DAG1: variants seen among roughly 807,000 people sequenced by gnomAD.
DAG1 encodes dystroglycan 1, also known as dystroglycan 1 (dystrophin-associated glycoprotein 1).
A neutral mutation model predicts 46.1 loss-of-function variants in DAG1; 8 were observed. That is an observed-to-expected ratio of 0.17 (90% confidence interval 0.10 to 0.31). The LOEUF is 0.31. Among genes scored for constraint, DAG1 ranks in the 10% least tolerant of loss-of-function variants. The probability of loss-of-function intolerance (pLI) is 1.00; values close to 1 mark genes in which losing one functional copy is unlikely to be tolerated. For missense variants in DAG1, 1,003 were observed against 1,189.9 expected, an observed-to-expected ratio of 0.84 and a Z score of 2.31; for synonymous variants, 495 against 481.8, an observed-to-expected ratio of 1.03 and a Z score of -0.36.
rs2051433448 is a variant in DAG1 at position 49,533,639 on chromosome 3, C to G, written c.*440C>G. 2 of 318,654 alleles carry G rather than the reference C, an allele frequency of 6.3e-6. No individual in the cohort carries two copies. The highest frequency in any genetic ancestry group is 1.2e-5 in the Non-Finnish European group (2 of 164,132). The allele number at this position is 318,654 out of a possible 1,614,324, so 19.7% of individuals were successfully genotyped here. A position where few individuals can be genotyped will look rare whatever the true frequency, so the allele number is the denominator to read the frequency against. ...TAGCTGCAGGATGTAACATGGAAAA[C>G]AGTAACTAAAGATTAAATTCAAAGG... On this transcript the variant is annotated 3_prime_UTR_variant, in exon 3 of 3. Coordinates refer to ENST00000308775, the MANE Select transcript of DAG1 (RefSeq NM_004393.6).
intron 1 of DAG1, among the ~76,000 whole-genome samples, chr3:49,497,453 A>T (rs946810634): frequency 6.6e-6 from 1 of 150,994 alleles, no homozygotes. Context: ...AAAAAAAAAA[A>T]AAATTAAAAA....
intron 2 of DAG1, among the ~76,000 whole-genome samples, chr3:49,515,551 A>C (rs1575393204): frequency 6.6e-6 from 1 of 151,692 alleles, no homozygotes; most frequent in Non-Finnish European, 1.5e-5. Flanking sequence ...ACACCCAGGT[A>C]ATTTTTAAAT....
At chr3:49,484,008 C>T (rs773971751) in intron 1 of DAG1, among the ~76,000 whole-genome samples, 7 of 152,072 alleles carry the variant, frequency 4.6e-5, no homozygotes, top group Non-Finnish European at 1.0e-4. Flanking sequence ...ATTGAATTGC[C>T]TGAGTGGAGA....
At chr3:49,517,007 T>A (rs1444637372) in intron 2 of DAG1, among the ~76,000 whole-genome samples, 1 of 129,482 alleles carries the variant, frequency 7.7e-6, no homozygotes, top group African/African-American at 2.9e-5. Flanking sequence ...TTTTTTTTTT[T>A]AATTGAGACG....
intron 1 of DAG1, among the ~76,000 whole-genome samples, chr3:49,496,864 A>T (rs1303330401): frequency 6.6e-6 from 1 of 151,738 alleles, no homozygotes; most frequent in African/African-American, 2.4e-5. Flanking sequence ...TGATCTCGTG[A>T]TCCACCCACC....
Position 49,533,174 on chromosome 3 carries a change from C to T in DAG1, c.2663C>T (p.Ser888Leu). 1.2e-6 allele frequency: 2 copies of T among 1,613,736 alleles called. No homozygotes were observed. Among genetic ancestry groups the T allele is most frequent in the Non-Finnish European group, 1.7e-6 (2 of 1,180,010 alleles). The change falls in exon 3 of 3, where the codon TCA becomes TTA. Residue 888 changes from serine (S) to leucine (L), a missense_variant. Transcript: ENST00000308775. ...SRPKNMTPYR[S>L]PPPYVPP ...CCCAAGAACATGACCCCATACCGGT[C>T]ACCTCCTCCCTATGTCCCACCTTAA...
intron 2 of DAG1, among the ~76,000 whole-genome samples, chr3:49,519,076 G>T (rs1164237376): frequency 6.6e-6 from 1 of 152,154 alleles, no homozygotes; most frequent in Non-Finnish European, 1.5e-5. Flanking sequence ...AGTGGATCCT[G>T]GCCTGTCCTG....
intron 1 of DAG1, among the ~76,000 whole-genome samples, chr3:49,473,863 C>T (rs1465410623): frequency 6.6e-6 from 1 of 150,896 alleles, no homozygotes; most frequent in African/African-American, 2.4e-5. Flanking sequence ...AGATTACAGG[C>T]GTGAGCCACT....
intron 2 of DAG1, among the ~76,000 whole-genome samples, chr3:49,519,556 G>C (rs992187399): frequency 6.6e-5 from 10 of 152,198 alleles, no homozygotes; most frequent in African/African-American, 2.4e-4. Context: ...TGTGAGATGA[G>C]CTGCAGTTTC....
chr3:49,512,537 G>A (rs550425720), intron 2 of DAG1, among the ~76,000 whole-genome samples: 2 of 151,710 alleles, frequency 1.3e-5, no homozygotes, highest in Admixed American at 6.6e-5. Flanking sequence ...GATTACAGGT[G>A]CGCACCACCA....
intron 1 of DAG1, among the ~76,000 whole-genome samples, chr3:49,473,079 G>A (rs888508315): frequency 6.8e-6 from 1 of 147,294 alleles, no homozygotes; most frequent in African/African-American, 2.5e-5. Context: ...TGAAAGCCTG[G>A]GTGACAAGAG....
intron 1 of DAG1, among the ~76,000 whole-genome samples, chr3:49,493,182 T>A (rs1386712845): frequency 6.6e-6 from 1 of 151,520 alleles, no homozygotes; most frequent in Non-Finnish European, 1.5e-5. Context: ...TAGCTCAGAT[T>A]ATAGGCATGC....
chr3:49,520,632 CGG>C (rs2051002680), intron 2 of DAG1, among the ~76,000 whole-genome samples: 1 of 152,114 alleles, frequency 6.6e-6, no homozygotes, highest in Admixed American at 6.5e-5. Flanking sequence ...TTGGGGGACA[CGG>C]GGAAGGGCCC....
rs147092240 is a variant in DAG1 at position 49,518,112 on chromosome 3, C to T, written c.285+7293C>T. On this transcript the variant is annotated intron_variant, in intron 2 of 2. Coordinates refer to ENST00000308775, the MANE Select transcript of DAG1 (RefSeq NM_004393.6). ...TGAGGTAGGAGGTACTGAGCCTGGC[C>T]TGCTTCCTCCTAAGCCCCATGTGGG... Among the ~76,000 whole-genome samples the T allele has an allele frequency of 3.4e-3, 524 of 152,292 alleles. 2 individuals carry two copies. The highest frequency in any genetic ancestry group is 0.012 in the African/African-American group (494 of 41,558).
At chr3:49,527,474 A>G (rs1409032695) in intron 2 of DAG1, among the ~76,000 whole-genome samples, 32 of 77,998 alleles carry the variant, frequency 4.1e-4, no homozygotes, top group African/African-American at 1.2e-3. Context: ...GTGAGCCGAG[A>G]TAGCGCCACT....
At chr3:49,479,041 T>C (rs1413321037) in intron 1 of DAG1, among the ~76,000 whole-genome samples, 1 of 151,828 alleles carries the variant, frequency 6.6e-6, no homozygotes, top group African/African-American at 2.4e-5. Context: ...TCTCCTGACC[T>C]TGTGATCCTC....
In DAG1 at chr3:49,510,533, G is replaced by A. The variant is rs2050733837; in HGVS notation, c.-2G>A. ...ATCGACTTGAGCAAACTTGGACCTG[G>A]GATGAGGATGTCTGTGGGCCTCTCG... On this transcript the variant is annotated 5_prime_UTR_variant, in exon 2 of 3. Coordinates refer to ENST00000308775, the MANE Select transcript of DAG1 (RefSeq NM_004393.6). The A allele has an allele frequency of 6.2e-7, 1 of 1,612,770 alleles. No homozygotes were observed. The highest frequency in any genetic ancestry group is 1.7e-5 in the Admixed American group (1 of 59,964).
intron 2 of DAG1, among the ~76,000 whole-genome samples, chr3:49,526,557 GA>G (rs553840519): frequency 6.0e-5 from 9 of 148,996 alleles, no homozygotes; most frequent in South Asian, 2.1e-4. Flanking sequence ...AAAAGAAAAA[GA>G]AAAAAAAAAT....
In DAG1 at chr3:49,531,765, C is replaced by T. The variant is rs1206476559; in HGVS notation, c.1254C>T (p.Thr418=). 1 of 1,614,046 alleles carries T rather than the reference C, an allele frequency of 6.2e-7. No homozygotes were observed. Among genetic ancestry groups the T allele is most frequent in the Non-Finnish European group, 8.5e-7 (1 of 1,179,998 alleles). Residue 418 remains threonine, a synonymous_variant, in exon 3 of 3, where the codon ACC becomes ACT. Coordinates refer to ENST00000308775, the MANE Select transcript of DAG1 (RefSeq NM_004393.6). The surrounding 1 kb of genome is among the most constrained non-coding windows in gnomAD (Gnocchi z 7.0). ...ATGTGGAGCCTACTGCAGTTGCTAC[C>T]CCTCCCACAACCACCACCAAGAAGC... ...PGYVEPTAVA[T]PPTTTTKKPR...
Sources: allele counts gnomAD v4.1 joint callset (sites outside exome capture counted in the v4.1 genomes callset), GRCh38; gene constraint gnomAD v4.1.1; non-coding constraint Gnocchi (gnomAD v3.1); transcripts MANE v1.5; gene names NCBI Gene and HGNC (gene_info 2026-07-23, HGNC 2026-07-21).